Variants in COLEC12 observed in about 807,000 individuals in gnomAD.
COLEC12 encodes the protein collectin subfamily member 12, also known as collectin-12.
A neutral mutation model predicts 71.1 loss-of-function variants in COLEC12; 33 were observed. The observed-to-expected ratio is 0.46, with a 90% CI of 0.35 to 0.62. The LOEUF is 0.62. COLEC12 is among the 20% of genes least tolerant of loss of function. The pLI, the probability that COLEC12 is intolerant of heterozygous loss-of-function variation, is 0.00. For missense variants in COLEC12, 765 were observed against 916.1 expected, an observed-to-expected ratio of 0.84 and a Z score of 2.13; for synonymous variants, 350 against 353.0, an observed-to-expected ratio of 0.99 and a Z score of 0.10.
intron 2 of COLEC12, among the ~76,000 whole-genome samples, chr18:457,732 G>T (rs1347179289): frequency 6.6e-6 from 1 of 152,190 alleles, no homozygotes; most frequent in African/African-American, 2.4e-5. Flanking sequence ...AAATGTCTCA[G>T]CTGTTTCCGA....
chr18:348,235 ATCATT>A, intron 3 of COLEC12, 72 bp from the exon 4 acceptor site: 1 of 938,454 alleles, frequency 1.1e-6, no homozygotes, highest in Non-Finnish European at 1.7e-6. Context: ...AAAACAAGAG[ATCATT>A]TCATTATGGA....
rs767554449 is a variant in COLEC12, at chr18:334,924, C to G, written c.1634G>C (p.Gly545Ala). Residue 545 changes from glycine to alanine, a missense_variant, in exon 6 of 10, where the codon GGC becomes GCC. Gly to Ala is a moderately conservative substitution (Grantham distance 60, BLOSUM62 0). Transcript: ENST00000400256. ...AACGGTGCCCTGAAGTCCCTGGAAG[C>G]CAGGAGGGCCCTGAGGGCCGGGGAG... ...EGLPGPQGPP[G>A]FQGLQGTVGE... is the part of the protein sequence containing the mutation. 3.8e-6 allele frequency: 6 copies of G among 1,560,314 alleles called. No homozygotes were observed. In the African/African-American group the frequency reaches 8.4e-5, roughly 22 times the overall value.
At chr18:423,105 T>TA (rs1381326660) in intron 2 of COLEC12, among the ~76,000 whole-genome samples, 3 of 80,100 alleles carry the variant, frequency 3.7e-5, no homozygotes, top group East Asian at 5.6e-3. Context: ...ACCCCATCTC[T>TA]AAAAAAACAA....
At chr18:398,796 AG>A (rs1328073801) in intron 2 of COLEC12, among the ~76,000 whole-genome samples, 1 of 152,246 alleles carries the variant, frequency 6.6e-6, no homozygotes, top group Non-Finnish European at 1.5e-5. Flanking sequence ...ACATGTACTG[AG>A]GAACTCCAAA....
At position 374,261 on chromosome 18, in the gene COLEC12, A is replaced by G. The variant is rs112346503; in HGVS notation, c.59-16739T>C. On this transcript the variant is annotated intron_variant, in intron 2 of 9. Transcript: ENST00000400256. ...GACCATAATTTATCTTTCTATACTG[A>G]TAACACCATATTTGTCAAATACAGA... Among the ~76,000 whole-genome samples, 262 of 152,308 alleles carry G rather than the reference A, an allele frequency of 1.7e-3. 1 individual carries two copies. Among genetic ancestry groups the G allele is most frequent in the African/African-American group, 6.0e-3 (249 of 41,574 alleles).
At chr18:459,091 T>C (rs1450240486) in intron 2 of COLEC12, among the ~76,000 whole-genome samples, 1 of 152,182 alleles carries the variant, frequency 6.6e-6, no homozygotes, top group Non-Finnish European at 1.5e-5. Flanking sequence ...GGACTCAAGC[T>C]ATCCTCCCTC....
intron 1 of COLEC12, among the ~76,000 whole-genome samples, chr18:497,750 G>A (rs1413433999): frequency 3.3e-5 from 5 of 152,206 alleles, no homozygotes; most frequent in African/African-American, 9.6e-5. Context: ...AAGGCTTGTC[G>A]TTGCTTTCTA....
At chr18:471,260 A>C (rs1213349737) in intron 2 of COLEC12, among the ~76,000 whole-genome samples, 1 of 122,196 alleles carries the variant, frequency 8.2e-6, no homozygotes, top group East Asian at 2.7e-4. Flanking sequence ...GATGACTCAG[A>C]CCAGGAGACC....
intron 2 of COLEC12, among the ~76,000 whole-genome samples, chr18:396,838 T>C (rs898360853): frequency 6.6e-6 from 1 of 152,228 alleles, no homozygotes; most frequent in African/African-American, 2.4e-5. Flanking sequence ...CACACTTGGA[T>C]GATTAAATGC....
chr18:345,751 A>C (rs1182357306), intron 5 of COLEC12, among the ~76,000 whole-genome samples: 1 of 152,222 alleles, frequency 6.6e-6, no homozygotes, highest in Non-Finnish European at 1.5e-5. Flanking sequence ...CAAATAATTA[A>C]TGGAGTCCCT....
chr18:460,888 C>T (rs776154701), intron 2 of COLEC12, among the ~76,000 whole-genome samples: 2 of 152,178 alleles, frequency 1.3e-5, no homozygotes, highest in African/African-American at 4.8e-5. Flanking sequence ...AGAGAAGCGC[C>T]GTATCCAATT....
chr18:339,118 T>C (rs1914186312), intron 5 of COLEC12, among the ~76,000 whole-genome samples: 1 of 152,134 alleles, frequency 6.6e-6, no homozygotes, highest in Admixed American at 6.5e-5. Flanking sequence ...CAGGCTTGTG[T>C]CTGCTCAGAC....
At chr18:425,810 A>T (rs1343012077) in intron 2 of COLEC12, among the ~76,000 whole-genome samples, 1 of 152,190 alleles carries the variant, frequency 6.6e-6, no homozygotes, top group African/African-American at 2.4e-5. Flanking sequence ...TTGCAGTAAT[A>T]ATGACCTGGT....
chr18:325,856 G>C (rs1265689424), intron 8 of COLEC12, among the ~76,000 whole-genome samples: 1 of 151,868 alleles, frequency 6.6e-6, no homozygotes, highest in Non-Finnish European at 1.5e-5. Context: ...TAGAGATGGG[G>C]TCTTGCTATG....
intron 2 of COLEC12, among the ~76,000 whole-genome samples, chr18:412,206 T>A (rs1442926675): frequency 6.6e-6 from 1 of 152,040 alleles, no homozygotes; most frequent in Non-Finnish European, 1.5e-5. Flanking sequence ...GAAAACATTT[T>A]AAAAGCAGCA....
At position 320,075 on chromosome 18, in the gene COLEC12, G is replaced by T; in HGVS notation, c.2210-11C>A. On this transcript the variant is annotated splice_polypyrimidine_tract_variant and intron_variant, in intron 9 of 9. Transcript: ENST00000400256. ...ATGCAGATGACAGTACTAAAAGAGAGAAATAAGAATGGGCATTAGTTTTTC... is the reference window on the plus strand; with the variant it reads ...ATGCAGATGACAGTACTAAAAGAGATAAATAAGAATGGGCATTAGTTTTTC... The T allele has an allele frequency of 6.6e-7, 1 of 1,508,004 alleles. No individual in the cohort carries two copies. Among genetic ancestry groups the T allele is most frequent in the Non-Finnish European group, 9.1e-7 (1 of 1,101,260 alleles). The allele number at this position is 1,508,004 out of a possible 1,614,324, so 93.4% of individuals were successfully genotyped here. A position where few individuals can be genotyped will look rare whatever the true frequency, so the allele number is the denominator to read the frequency against.
chr18:469,243 G>C (rs1162541962), intron 2 of COLEC12, among the ~76,000 whole-genome samples: 1 of 152,248 alleles, frequency 6.6e-6, no homozygotes, highest in East Asian at 1.9e-4. Flanking sequence ...AACACCACCA[G>C]ACAGAAGGAA....
At chr18:397,752 T>A (rs1915600863) in intron 2 of COLEC12, among the ~76,000 whole-genome samples, 1 of 152,214 alleles carries the variant, frequency 6.6e-6, no homozygotes, top group African/African-American at 2.4e-5. Flanking sequence ...GATAAGTCCA[T>A]TTAACCCGGT....
intron 2 of COLEC12, among the ~76,000 whole-genome samples, chr18:412,955 C>T (rs1429335639): frequency 6.6e-6 from 1 of 151,976 alleles, no homozygotes; most frequent in African/African-American, 2.4e-5. Context: ...AGACCTAAGC[C>T]CTAACATATC....
Sources: gnomAD v4.1 joint callset for allele counts (sites outside exome capture counted in the v4.1 genomes callset) on GRCh38, gnomAD v4.1.1 for gene constraint, MANE v1.5 for transcripts, NCBI Gene and HGNC (gene_info 2026-07-23, HGNC 2026-07-21) for gene names.